Variants in SOX6 observed in about 807,000 individuals in gnomAD.
The protein encoded by SOX6 is transcription factor SOX-6.
SOX6 carries 11 observed loss-of-function variants against 97.8 expected under a neutral mutation model. That is an observed-to-expected ratio of 0.11 (90% CI 0.07 to 0.19). SOX6 has a LOEUF of 0.19. Among genes scored for constraint, SOX6 ranks in the 10% least tolerant of loss-of-function variants. SOX6 has a pLI of 1.00. For missense variants in SOX6, 810 were observed against 1,039.5 expected, an observed-to-expected ratio of 0.78 and a Z score of 3.04; for synonymous variants, 360 against 371.4, an observed-to-expected ratio of 0.97 and a Z score of 0.35.
chr11:16,526,583 T>C (rs1003811411), intron 4 of SOX6, among the ~76,000 whole-genome samples: 1 of 151,896 alleles, frequency 6.6e-6, no homozygotes, highest in Non-Finnish European at 1.5e-5. Flanking sequence ...TGTATACATA[T>C]GTAACTAACC....
At chr11:16,512,558 G>C (rs1860896149) in intron 4 of SOX6, among the ~76,000 whole-genome samples, 1 of 146,334 alleles carries the variant, frequency 6.8e-6, no homozygotes, top group African/African-American at 2.6e-5. Context: ...AATTAAAGTA[G>C]TGCTTTTGGC....
chr11:16,433,640 T>C (rs1158997602), intron 1 of SOX6, among the ~76,000 whole-genome samples: 2 of 152,104 alleles, frequency 1.3e-5, no homozygotes, highest in African/African-American at 2.4e-5. Flanking sequence ...GTTTTTGTTA[T>C]GTGCTATTTA....
At chr11:16,561,076 T>G (rs539677245) in intron 4 of SOX6, among the ~76,000 whole-genome samples, 1 of 151,724 alleles carries the variant, frequency 6.6e-6, no homozygotes, top group South Asian at 2.1e-4. Context: ...AAAGAACTTA[T>G]CCATGTAACC....
At chr11:16,145,298 C>G (rs1486649976) in intron 6 of SOX6, among the ~76,000 whole-genome samples, 1 of 152,180 alleles carries the variant, frequency 6.6e-6, no homozygotes. Context: ...CAAAATTCAA[C>G]AGCCCTTCAT....
intron 4 of SOX6, among the ~76,000 whole-genome samples, chr11:16,524,573 A>T (rs1861124673): frequency 6.6e-6 from 1 of 150,396 alleles, no homozygotes; most frequent in Non-Finnish European, 1.5e-5. Context: ...AACTGGCACA[A>T]GACAGGGATG....
At chr11:16,253,741 C>A (rs1022898755) in intron 3 of SOX6, among the ~76,000 whole-genome samples, 5 of 151,706 alleles carry the variant, frequency 3.3e-5, no homozygotes, top group Non-Finnish European at 7.4e-5. Flanking sequence ...AATGGTATAT[C>A]ATATGTATAA....
In SOX6 at chr11:15,966,694, G is replaced by C. The variant is rs1159796295; in HGVS notation, c.*6115C>G. On this transcript the variant is annotated 3_prime_UTR_variant, in exon 16 of 16. Coordinates refer to ENST00000683767, the MANE Select transcript of SOX6 (RefSeq NM_001367873.1). ...AAAGGAAAAAAAAAAAGTAGCTAAG[G>C]TGCCAACATACACCAGGATAGATAA... 6.6e-6 allele frequency: 1 copy of C among 152,132 alleles called. No individual in the cohort carries two copies. Among genetic ancestry groups the C allele is most frequent in the Admixed American group, 6.5e-5 (1 of 15,274 alleles). The allele number at this position is 152,132 out of a possible 1,614,324, so 9.4% of individuals were successfully genotyped here. A position where few individuals can be genotyped will look rare whatever the true frequency, so the allele number is the denominator to read the frequency against.
intron 6 of SOX6, among the ~76,000 whole-genome samples, chr11:16,140,253 A>C (rs544642294): frequency 5.1e-4 from 78 of 152,314 alleles, no homozygotes; most frequent in Middle Eastern, 3.4e-3. Flanking sequence ...CACCCAACTC[A>C]GGAGCCTTCC....
intron 1 of SOX6, among the ~76,000 whole-genome samples, chr11:16,462,920 T>C (rs1433600415): frequency 6.6e-6 from 1 of 152,180 alleles, no homozygotes; most frequent in Non-Finnish European, 1.5e-5. Flanking sequence ...ATCAAGACCC[T>C]GGAATCTGTA....
chr11:16,232,215 G>A lies in SOX6; in HGVS notation c.535+2367C>T, dbSNP rs1238701467. ...ATAATAACTGGCCTGGTTTCCACCA[G>A]AATAAAAATGTATGTTGAGTTTTGG... is the stretch of plus-strand genomic sequence containing the variant. On this transcript the variant is annotated intron_variant, in intron 4 of 15. Transcript: ENST00000683767. 4.0e-5 allele frequency among the ~76,000 whole-genome samples: 6 copies of A among 151,820 alleles called. No homozygotes were observed. In the East Asian group the frequency reaches 1.2e-3, roughly 29 times the overall value.
intron 1 of SOX6, among the ~76,000 whole-genome samples, chr11:16,449,684 C>G (rs1223345750): frequency 6.6e-6 from 1 of 152,174 alleles, no homozygotes; most frequent in African/African-American, 2.4e-5. Flanking sequence ...CCATGAAGAT[C>G]ATCACATCCT....
chr11:16,453,013 T>C (rs1859748168), intron 1 of SOX6, among the ~76,000 whole-genome samples: 1 of 152,154 alleles, frequency 6.6e-6, no homozygotes, highest in Admixed American at 6.5e-5. Flanking sequence ...ACTGAGATAA[T>C]TATTCTTACG....
At chr11:16,485,132 A>C (rs2089887276) in intron 4 of SOX6, among the ~76,000 whole-genome samples, 1 of 152,196 alleles carries the variant, frequency 6.6e-6, no homozygotes, top group African/African-American at 2.4e-5. Flanking sequence ...ACCTCCGCCA[A>C]CATGTGTAAC....
At chr11:16,645,667 G>A (rs969145667) in intron 3 of SOX6, among the ~76,000 whole-genome samples, 4 of 152,220 alleles carry the variant, frequency 2.6e-5, no homozygotes, top group African/African-American at 4.8e-5. Flanking sequence ...AACAAAGGCA[G>A]AGATTGGGAA....
chr11:16,692,850 CTA>C (rs879679237), intron 3 of SOX6, among the ~76,000 whole-genome samples: 1 of 152,092 alleles, frequency 6.6e-6, no homozygotes, highest in Non-Finnish European at 1.5e-5. Context: ...TTTATAAACA[CTA>C]TTTTATATCT....
At chr11:16,005,359 G>C (rs1309246905) in intron 13 of SOX6, among the ~76,000 whole-genome samples, 1 of 151,276 alleles carries the variant, frequency 6.6e-6, no homozygotes, top group East Asian at 2.0e-4. Flanking sequence ...TCCCATATAT[G>C]GGAACAGAAA....
At chr11:16,390,849 C>A (rs1319882007) in intron 1 of SOX6, among the ~76,000 whole-genome samples, 1 of 152,126 alleles carries the variant, frequency 6.6e-6, no homozygotes, top group Non-Finnish European at 1.5e-5. Context: ...TGGGCATATA[C>A]CCAAAGGATT....
chr11:16,188,169 A>C (rs1851532891), intron 4 of SOX6, among the ~76,000 whole-genome samples: 1 of 151,174 alleles, frequency 6.6e-6, no homozygotes, highest in African/African-American at 2.4e-5. Context: ...TAGGACTGAC[A>C]TCAACAGAGA....
rs1444208375 is a variant in SOX6 at position 16,147,118 on chromosome 11, C to G, written c.778-35195G>C. ...GGAACCAACCCAAATGTCCAACAATCATAGACTGGATTAAGAAAATGTGGC... is the reference window on the plus strand; with the variant it reads ...GGAACCAACCCAAATGTCCAACAATGATAGACTGGATTAAGAAAATGTGGC... On this transcript the variant is annotated intron_variant, in intron 6 of 15. Coordinates refer to ENST00000683767, the MANE Select transcript of SOX6 (RefSeq NM_001367873.1). Among the ~76,000 whole-genome samples the G allele has an allele frequency of 3.3e-5, 5 of 152,024 alleles. No individual in the cohort carries two copies. The South Asian group carries it at 8.3e-4, about 25-fold the overall frequency.
Sources: gnomAD v4.1 joint callset for allele counts (sites outside exome capture counted in the v4.1 genomes callset) on GRCh38, gnomAD v4.1.1 for gene constraint, MANE v1.5 for transcripts, NCBI Gene and HGNC (gene_info 2026-07-23, HGNC 2026-07-21) for gene names.